Variants in SMYD3 observed in about 807,000 individuals in gnomAD.
SMYD3 encodes histone-lysine N-methyltransferase SMYD3.
In SMYD3, 36 loss-of-function variants were observed where a neutral mutation model predicts 57.7. The ratio of observed to expected loss-of-function variants is 0.62; its 90% CI spans 0.48 to 0.82. The LOEUF is 0.82. Ranked by LOEUF, SMYD3 falls within the 40% of genes least tolerant of loss-of-function variation. The pLI is 0.00. For missense variants in SMYD3, 515 were observed against 538.8 expected (o/e 0.96, Z 0.44); for synonymous variants, 211 against 195.0 (o/e 1.08, Z -0.68).
intron 5 of SMYD3, among the ~76,000 whole-genome samples, chr1:246,101,063 G>GTTTTTTTTTTTTT (rs1558228762): frequency 1.1e-5 from 1 of 92,954 alleles, no homozygotes; most frequent in Non-Finnish European, 2.6e-5. Flanking sequence ...TATTTTTAGG[G>GTTTTTTTTTTTTT]GTTTTTTGTT....
Position 246,165,248 on chromosome 1 carries a change from G to A in SMYD3, c.531+161953C>T, listed in dbSNP as rs150394688. On this transcript the variant is annotated intron_variant, in intron 5 of 11. Transcript: ENST00000490107. ...CGGAGGTGACAAGAAGTAAGAAAGT[G>A]AAGACTAAAAATGTAAATAATTTCA... Among the ~76,000 whole-genome samples, 1,079 of 152,306 alleles carry A rather than the reference G, an allele frequency of 7.1e-3. 5 individuals carry two copies. The highest frequency in any genetic ancestry group is 0.031 in the Middle Eastern group (9 of 294).
At chr1:246,495,297 C>A (rs4654114) in intron 1 of SMYD3, among the ~76,000 whole-genome samples, 1 of 140,852 alleles carries the variant, frequency 7.1e-6, no homozygotes, top group African/African-American at 2.8e-5. Flanking sequence ...TGCTGTGAGC[C>A]GAGATCATGC....
At position 245,954,660 on chromosome 1, in the gene SMYD3, G is replaced by C. The variant is rs146223856; in HGVS notation, c.532-24723C>G. 9.5e-3 allele frequency among the ~76,000 whole-genome samples: 1,443 copies of C among 152,264 alleles called. 24 individuals carry two copies. The highest frequency in any genetic ancestry group is 0.033 in the African/African-American group (1,385 of 41,536). On this transcript the variant is annotated intron_variant, in intron 5 of 11. Transcript: ENST00000490107. The stretch of plus-strand genomic sequence containing the variant: ...ACCACTGCAGCCACTGTCCAGCCTT[G>C]GTGACACAGCAAGACTGTCGCAAAT...
intron 1 of SMYD3, among the ~76,000 whole-genome samples, chr1:246,499,909 G>C (rs777376790): frequency 1.3e-5 from 2 of 152,126 alleles, no homozygotes; most frequent in Non-Finnish European, 2.9e-5. Context: ...ATTTGTAAAA[G>C]GATAAAGGGG....
intron 5 of SMYD3, among the ~76,000 whole-genome samples, chr1:246,106,953 A>G (rs2061134539): frequency 6.6e-6 from 1 of 152,180 alleles, no homozygotes. Flanking sequence ...GTTGGTGTGA[A>G]CGTGAAAAAA....
At chr1:246,394,376 ACACAAACCTCACTG>A (rs2066622122) in intron 1 of SMYD3, among the ~76,000 whole-genome samples, 1 of 152,126 alleles carries the variant, frequency 6.6e-6, no homozygotes, top group South Asian at 2.1e-4. Context: ...ACCCCACAGT[ACACAAACCTCACTG>A]CACACACAAG....
chr1:246,151,560 A>G (rs2061941487), intron 5 of SMYD3, among the ~76,000 whole-genome samples: 1 of 152,216 alleles, frequency 6.6e-6, no homozygotes, highest in Non-Finnish European at 1.5e-5. Flanking sequence ...AAACTCTTTG[A>G]AAAGGACCTA....
intron 1 of SMYD3, among the ~76,000 whole-genome samples, chr1:246,376,589 TAAAAA>T (rs55996523): frequency 2.3e-5 from 2 of 85,176 alleles, no homozygotes; most frequent in African/African-American, 9.8e-5. Context: ...ACACTCCATC[TAAAAA>T]AAAAAAAAAA....
chr1:246,365,538 C>T (rs1227376051), intron 1 of SMYD3, among the ~76,000 whole-genome samples: 3 of 147,654 alleles, frequency 2.0e-5, no homozygotes, highest in South Asian at 4.3e-4. Context: ...AAGAATATTA[C>T]TCAAGATTCA....
intron 1 of SMYD3, among the ~76,000 whole-genome samples, chr1:246,471,499 A>G (rs10802410): frequency 0.59 from 89,390 of 152,162 alleles, 27,828 homozygotes; most frequent in African/African-American, 0.8. Context: ...GCCTGGCCCC[A>G]TATTTTAAAA....
chr1:246,002,183 TTTTTA>T (rs1262625892), intron 5 of SMYD3, among the ~76,000 whole-genome samples: 4 of 152,082 alleles, frequency 2.6e-5, no homozygotes, highest in Non-Finnish European at 4.4e-5. Flanking sequence ...GACCACCTCC[TTTTTA>T]TTTTATTATT....
In SMYD3 at chr1:245,853,867, G is replaced by C. The variant is rs542754172; in HGVS notation, c.1076+4629C>G. On this transcript the variant is annotated intron_variant, in intron 10 of 11. Coordinates refer to ENST00000490107, the MANE Select transcript of SMYD3 (RefSeq NM_001167740.2). ...CATTATACTTCCACTCTCTCCACCTGCCCCCATTTTTTCTGACAACAAAGC... is the reference window on the plus strand; with the variant it reads ...CATTATACTTCCACTCTCTCCACCTCCCCCCATTTTTTCTGACAACAAAGC... Among the ~76,000 whole-genome samples the C allele has an allele frequency of 5.9e-5, 9 of 152,158 alleles. No homozygotes were observed. In the East Asian group the frequency reaches 1.7e-3, roughly 29 times the overall value.
At chr1:246,386,119 A>C (rs2066475926) in intron 1 of SMYD3, among the ~76,000 whole-genome samples, 1 of 152,114 alleles carries the variant, frequency 6.6e-6, no homozygotes, top group Non-Finnish European at 1.5e-5. Flanking sequence ...CGATCTCCTG[A>C]CCTCGTGATC....
At chr1:246,383,567 C>G (rs1410961940) in intron 1 of SMYD3, among the ~76,000 whole-genome samples, 1 of 152,212 alleles carries the variant, frequency 6.6e-6, no homozygotes, top group Non-Finnish European at 1.5e-5. Flanking sequence ...TATGAAGCCT[C>G]TTTGGTTTAA....
intron 7 of SMYD3, among the ~76,000 whole-genome samples, chr1:245,920,254 A>T (rs542110472): frequency 2.1e-5 from 3 of 143,752 alleles, no homozygotes; most frequent in Non-Finnish European, 3.0e-5. Flanking sequence ...CGGAGCTTGC[A>T]GTGAGACGAG....
intron 5 of SMYD3, among the ~76,000 whole-genome samples, chr1:246,303,791 C>A (rs1040350630): frequency 1.3e-5 from 2 of 152,144 alleles, no homozygotes; most frequent in Admixed American, 1.3e-4. Flanking sequence ...TTTAAAATAG[C>A]ATTCTAATTA....
At chr1:246,126,514 G>C (rs75845327) in intron 5 of SMYD3, among the ~76,000 whole-genome samples, 3,786 of 152,278 alleles carry the variant, frequency 0.025, 172 homozygotes, top group African/African-American at 0.087. Context: ...ATTATACTTT[G>C]TTTTGTTTGC....
chr1:245,986,929 T>G (rs1467497876), intron 5 of SMYD3, among the ~76,000 whole-genome samples: 1 of 152,246 alleles, frequency 6.6e-6, no homozygotes, highest in Non-Finnish European at 1.5e-5. Context: ...TAAAACTTGA[T>G]GAACATATTT....
rs569732759 is a variant in SMYD3 at position 245,837,557 on chromosome 1, C to T, written c.1076+20939G>A. 2.0e-4 allele frequency among the ~76,000 whole-genome samples: 31 copies of T among 152,272 alleles called. 1 individual carries two copies. In the South Asian group the frequency reaches 6.4e-3, roughly 32 times the overall value. On this transcript the variant is annotated intron_variant, in intron 10 of 11. Coordinates refer to ENST00000490107, the MANE Select transcript of SMYD3 (RefSeq NM_001167740.2). ...CGAGGGAAGAAGCACAGAAAAGAAG[C>T]CTCTGCAACCTTCGCATTTTTTATC...
Sources: allele counts gnomAD v4.1 joint callset (sites outside exome capture counted in the v4.1 genomes callset), GRCh38; gene constraint gnomAD v4.1.1; transcripts MANE v1.5; gene names NCBI Gene and HGNC (gene_info 2026-07-23, HGNC 2026-07-21).